Variants in PCCA observed in about 807,000 individuals in gnomAD.
The protein encoded by PCCA is propionyl-CoA carboxylase alpha chain, mitochondrial.
PCCA carries 74 observed loss-of-function variants against 101.3 expected under a neutral mutation model. The observed-to-expected ratio is 0.73, with a 90% CI of 0.61 to 0.89. The LOEUF is 0.89. Ranked by LOEUF, PCCA falls within the 40% of genes least tolerant of loss-of-function variation. The pLI is 0.00. For synonymous variants in PCCA, 294 were observed against 313.6 expected, an observed-to-expected ratio of 0.94 and a Z score of 0.66; for missense variants, 891 against 907.0, an observed-to-expected ratio of 0.98 and a Z score of 0.23.
chr13:100,529,743 G>A (rs1267877641), intron 23 of PCCA, among the ~76,000 whole-genome samples: 2 of 152,176 alleles, frequency 1.3e-5, no homozygotes, highest in Non-Finnish European at 2.9e-5. Flanking sequence ...CACAGAGAGG[G>A]AGGCTAGGGG....
At chr13:100,137,454 T>C (rs551744495) in intron 4 of PCCA, among the ~76,000 whole-genome samples, 1 of 152,352 alleles carries the variant, frequency 6.6e-6, no homozygotes, top group African/African-American at 2.4e-5. Flanking sequence ...TTTCCAACGA[T>C]GACTGGGTTA....
intron 8 of PCCA, among the ~76,000 whole-genome samples, chr13:100,243,703 A>G (rs1366675964): frequency 6.6e-6 from 1 of 152,050 alleles, no homozygotes; most frequent in Non-Finnish European, 1.5e-5. Flanking sequence ...ATGACATCTT[A>G]TGTTCTTTGA....
intron 2 of PCCA, among the ~76,000 whole-genome samples, chr13:100,105,861 A>G (rs1386792431): frequency 1.3e-5 from 2 of 149,634 alleles, no homozygotes; most frequent in Non-Finnish European, 3.0e-5. Context: ...AAAAAAAAAA[A>G]AAAAAAAAAA....
chr13:100,388,276 C>T (rs1308138866), intron 19 of PCCA, among the ~76,000 whole-genome samples: 2 of 151,946 alleles, frequency 1.3e-5, no homozygotes, highest in East Asian at 3.9e-4. Context: ...GGAGACCAGC[C>T]TGGGCAACAT....
intron 10 of PCCA, among the ~76,000 whole-genome samples, chr13:100,264,266 C>CAT (rs1379919897): frequency 1.3e-5 from 2 of 150,050 alleles, no homozygotes; most frequent in Non-Finnish European, 3.0e-5. Flanking sequence ...ATCTGTATCT[C>CAT]ATATATATGT....
intron 18 of PCCA, among the ~76,000 whole-genome samples, chr13:100,349,654 C>T (rs1338077869): frequency 6.6e-6 from 1 of 152,176 alleles, no homozygotes; most frequent in East Asian, 1.9e-4. Flanking sequence ...TCACTATGGC[C>T]TATAATATTA....
chr13:100,150,924 C>G (rs2053236367), intron 4 of PCCA: 5 of 1,542,888 alleles, frequency 3.2e-6, no homozygotes, highest in African/African-American at 2.7e-5. Context: ...ATAACGTAAC[C>G]TTGCTTGGCC....
intron 21 of PCCA, among the ~76,000 whole-genome samples, chr13:100,456,819 G>A (rs980005160): frequency 4.6e-5 from 7 of 152,208 alleles, no homozygotes; most frequent in Non-Finnish European, 8.8e-5. Context: ...GAGCGTGACC[G>A]TTGAAGCACA....
At chr13:100,508,319 A>C (rs2086234858) in intron 21 of PCCA, among the ~76,000 whole-genome samples, 1 of 151,898 alleles carries the variant, frequency 6.6e-6, no homozygotes, top group South Asian at 2.1e-4. Flanking sequence ...TTTTCTTCCC[A>C]CTCCTATTTG....
chr13:100,331,188 A>G (rs901963540), intron 17 of PCCA, among the ~76,000 whole-genome samples: 4 of 152,232 alleles, frequency 2.6e-5, no homozygotes, highest in Non-Finnish European at 5.9e-5. Context: ...CAGCAAAGTT[A>G]TCAGCAAGCA....
intron 7 of PCCA, among the ~76,000 whole-genome samples, chr13:100,216,073 C>CTCCCCT (rs1229133158): frequency 3.3e-5 from 5 of 151,616 alleles, no homozygotes; most frequent in Non-Finnish European, 7.4e-5. Context: ...TCCCCTTCCC[C>CTCCCCT]TCCCCTTCCC....
rs1000413274 is a variant in PCCA at position 100,328,175 on chromosome 13, C to T, written c.1430-2386C>T. On this transcript the variant is annotated intron_variant, in intron 16 of 23. Coordinates refer to ENST00000376285, the MANE Select transcript of PCCA (RefSeq NM_000282.4). ...GTCAGGAGATCGAGACCAACCTGGC[C>T]AACATGATGAAACCCCGTCTCTAGT... 2.6e-5 allele frequency among the ~76,000 whole-genome samples: 4 copies of T among 152,066 alleles called. No homozygotes were observed. In the South Asian group the frequency reaches 8.3e-4, roughly 32 times the overall value.
intron 17 of PCCA, among the ~76,000 whole-genome samples, chr13:100,338,994 T>A (rs141926792): frequency 3.3e-5 from 5 of 152,168 alleles, no homozygotes; most frequent in Non-Finnish European, 4.4e-5. Context: ...TTTTTCTTTT[T>A]TTGAATTGTA....
intron 21 of PCCA, among the ~76,000 whole-genome samples, chr13:100,511,830 CT>C (rs2086505240): frequency 6.6e-6 from 1 of 152,194 alleles, no homozygotes; most frequent in African/African-American, 2.4e-5. Context: ...ATTACTGCTA[CT>C]TCTACAGGCT....
chr13:100,218,550 C>CTT, intron 7 of PCCA, among the ~76,000 whole-genome samples: 1 of 152,220 alleles, frequency 6.6e-6, no homozygotes, highest in Admixed American at 6.5e-5. Context: ...TGTGGTAATT[C>CTT]TTTGTTCAGC....
At chr13:100,129,043 C>G (rs913986913) in intron 4 of PCCA, among the ~76,000 whole-genome samples, 1 of 152,192 alleles carries the variant, frequency 6.6e-6, no homozygotes, top group Non-Finnish European at 1.5e-5. Context: ...TTACCACTAC[C>G]TCAAACCCAG....
chr13:100,188,465 G>A (rs1301415768), intron 6 of PCCA, among the ~76,000 whole-genome samples: 2 of 152,172 alleles, frequency 1.3e-5, no homozygotes, highest in African/African-American at 4.8e-5. Flanking sequence ...CAATTGATGG[G>A]TATTTGGGCT....
At chr13:100,345,042 G>A (rs1235528842) in intron 18 of PCCA, among the ~76,000 whole-genome samples, 2 of 152,182 alleles carry the variant, frequency 1.3e-5, no homozygotes, top group Admixed American at 1.3e-4. Flanking sequence ...GCCATTCCCA[G>A]TGTCTCTCAC....
chr13:100,323,548 C>T (rs901179639), intron 16 of PCCA, among the ~76,000 whole-genome samples: 3 of 151,900 alleles, frequency 2.0e-5, no homozygotes, highest in Non-Finnish European at 2.9e-5. Flanking sequence ...GAATTGCTGA[C>T]CTTGTGATCC....
Sources: gnomAD v4.1 joint callset for allele counts (sites outside exome capture counted in the v4.1 genomes callset) on GRCh38, gnomAD v4.1.1 for gene constraint, MANE v1.5 for transcripts, NCBI Gene and HGNC (gene_info 2026-07-23, HGNC 2026-07-21) for gene names.